Variants in PRSS23 observed in about 807,000 individuals in gnomAD.
The protein encoded by PRSS23 is serine protease 23.
In PRSS23, 25 loss-of-function variants were observed where a neutral mutation model predicts 34.7. That is an observed-to-expected ratio of 0.72 (90% CI 0.53 to 1.01). PRSS23 has a LOEUF of 1.01. Ranked by LOEUF, PRSS23 falls within the 50% of genes least tolerant of loss-of-function variation. The pLI, the probability that PRSS23 is intolerant of heterozygous loss-of-function variation, is 0.00. For synonymous variants in PRSS23, 176 were observed against 186.6 expected (o/e 0.94, Z 0.46); for missense variants, 445 against 475.6 (o/e 0.94, Z 0.60).
At chr11:86,874,874 G>A (rs934119654) in intron 2 of PRSS23, among the ~76,000 whole-genome samples, 9 of 152,178 alleles carry the variant, frequency 5.9e-5, no homozygotes, top group African/African-American at 2.2e-4. Context: ...TCACTGGTAT[G>A]TCTGGTGCCT....
intron 2 of PRSS23, chr11:86,936,392 C>G (rs1465590177): frequency 6.6e-6 from 1 of 152,304 alleles, no homozygotes; most frequent in Non-Finnish European, 1.5e-5. Flanking sequence ...CTCAGCCTCC[C>G]GAGTAGCTGG....
chr11:86,850,754 G>C (rs570063940), intron 2 of PRSS23, among the ~76,000 whole-genome samples: 1 of 152,028 alleles, frequency 6.6e-6, no homozygotes, highest in South Asian at 2.1e-4. Flanking sequence ...GCTTTGTAAC[G>C]TCCTGTAAGA....
chr11:86,830,432 C>G lies in PRSS23; in HGVS notation c.206+6839C>G, dbSNP rs573355312. Among the ~76,000 whole-genome samples, 3 of 152,302 alleles carry G rather than the reference C, an allele frequency of 2.0e-5. No individual in the cohort carries two copies. In the South Asian group the frequency reaches 6.2e-4, roughly 32 times the overall value. On this transcript the variant is annotated intron_variant, in intron 2 of 2. Transcript: ENST00000533902. ...GACTAGAAAAGGGAACTCCCTGACC[C>G]TTTGCGCTTCCCAAGTGAGGCAGTG...
At chr11:86,838,387 G>C (rs867910942) in intron 2 of PRSS23, among the ~76,000 whole-genome samples, 2 of 152,150 alleles carry the variant, frequency 1.3e-5, no homozygotes, top group Non-Finnish European at 2.9e-5. Context: ...AGATCAACCT[G>C]TGGGGCTGCA....
At chr11:86,853,242 CTTTTTTTTTT>C (rs561682096) in intron 2 of PRSS23, among the ~76,000 whole-genome samples, 11 of 47,788 alleles carry the variant, frequency 2.3e-4, no homozygotes, top group African/African-American at 6.2e-4. Context: ...AAGTGCCTGC[CTTTTTTTTTT>C]TTTTTTTTTT....
intron 2 of PRSS23, among the ~76,000 whole-genome samples, chr11:86,824,660 T>C (rs977818333): frequency 8.9e-5 from 11 of 122,960 alleles, no homozygotes; most frequent in African/African-American, 3.1e-4. Context: ...CCCCAGAGTG[T>C]GATGTTCCCC....
rs528145327 is a variant in PRSS23, at chr11:86,929,597, T to A, written c.207-21619T>A. ...GGCGGAGGTTGCAGTGAGCCAAGAT[T>A]GTGCCTGGATGACAAAGCGAGACTC... On this transcript the variant is annotated intron_variant, in intron 2 of 2. Coordinates refer to the PRSS23 transcript ENST00000533902. 3.5e-4 allele frequency among the ~76,000 whole-genome samples: 54 copies of A among 152,304 alleles called. No individual in the cohort carries two copies. In the South Asian group the frequency reaches 9.9e-3, roughly 28 times the overall value.
At chr11:86,830,410 T>G (rs1365201900) in intron 2 of PRSS23, among the ~76,000 whole-genome samples, 1 of 152,116 alleles carries the variant, frequency 6.6e-6, no homozygotes, top group Non-Finnish European at 1.5e-5. Flanking sequence ...TTTCTTTGAC[T>G]AGAAAAGGGA....
intron 2 of PRSS23, among the ~76,000 whole-genome samples, chr11:86,827,052 A>G (rs1948307611): frequency 6.6e-6 from 1 of 152,136 alleles, no homozygotes; most frequent in Non-Finnish European, 1.5e-5. Flanking sequence ...TGATTGGAAT[A>G]GTTTCAGAAG....
intron 2 of PRSS23, among the ~76,000 whole-genome samples, chr11:86,869,317 TGAA>T (rs1948669916): frequency 6.6e-6 from 1 of 152,204 alleles, no homozygotes; most frequent in African/African-American, 2.4e-5. Flanking sequence ...CCATGATACA[TGAA>T]GTTCACAGAA....
At chr11:86,821,783 C>T (rs1451720986) in intron 1 of PRSS23, 4 of 959,804 alleles carry the variant, frequency 4.2e-6, no homozygotes, top group African/African-American at 1.6e-5. Flanking sequence ...CAGCCCGTTC[C>T]GCCTCAGCAC....
At chr11:86,797,323 A>G (rs1590864480), upstream of PRSS23, among the ~76,000 whole-genome samples, 1 of 152,206 alleles carries the variant, frequency 6.6e-6, no homozygotes, top group East Asian at 1.9e-4. Flanking sequence ...TACATTGGTC[A>G]TTTGTCTCAG....
intron 2 of PRSS23, among the ~76,000 whole-genome samples, chr11:86,884,678 A>G (rs985750037): frequency 2.6e-5 from 4 of 152,240 alleles, no homozygotes; most frequent in African/African-American, 9.6e-5. Context: ...ATTGCTTTGC[A>G]TAACACATAA....
Position 86,873,224 on chromosome 11 carries a change from G to GTA in PRSS23, c.206+49642_206+49643dup, listed in dbSNP as rs758700473. On this transcript the variant is annotated intron_variant, in intron 2 of 2. Transcript: ENST00000533902. Reference sequence around the variant, plus strand: ...CACACACACACACACACAGATATATGTATATATATATACACACACACACAT... The same window carrying GTA: ...CACACACACACACACACAGATATATGTATATATATATATACACACACACACAT... Among the ~76,000 whole-genome samples the GTA allele has an allele frequency of 3.5e-4, 28 of 80,438 alleles. 1 individual carries two copies. The highest frequency in any genetic ancestry group is 2.2e-3 in the South Asian group (5 of 2,250). The allele number at this position is 80,438 out of a possible 152,430, so 52.8% of individuals were successfully genotyped here. A position where few individuals can be genotyped will look rare whatever the true frequency, so the allele number is the denominator to read the frequency against.
chr11:86,833,171 A>G, intron 2 of PRSS23: 2 of 935,992 alleles, frequency 2.1e-6, no homozygotes, highest in Non-Finnish European at 3.5e-6. Context: ...TGAGTCAGGC[A>G]GCCTGCATAG....
chr11:86,833,826 G>A (rs1948380528), intron 2 of PRSS23, among the ~76,000 whole-genome samples: 1 of 152,110 alleles, frequency 6.6e-6, no homozygotes, highest in South Asian at 2.1e-4. Context: ...CTCTCAACAG[G>A]AAAACCCAAG....
chr11:86,914,057 A>AAAC (rs1555081481), intron 2 of PRSS23, among the ~76,000 whole-genome samples: 4 of 151,132 alleles, frequency 2.6e-5, no homozygotes, highest in Non-Finnish European at 5.9e-5. Flanking sequence ...AAAAAAAAAA[A>AAAC]AAAACCTCAA....
intron 2 of PRSS23, among the ~76,000 whole-genome samples, chr11:86,871,446 C>A (rs1438521293): frequency 6.6e-6 from 1 of 152,094 alleles, no homozygotes; most frequent in Non-Finnish European, 1.5e-5. Context: ...TTTTCAAAGA[C>A]CCAATGGGTT....
chr11:86,890,007 G>A (rs934728112), intron 2 of PRSS23, among the ~76,000 whole-genome samples: 18 of 152,092 alleles, frequency 1.2e-4, no homozygotes, highest in African/African-American at 3.4e-4. Context: ...GGTGGCTCAC[G>A]CCTGAGTCCC....
Sources: gnomAD v4.1 joint callset for allele counts (sites outside exome capture counted in the v4.1 genomes callset) on GRCh38, gnomAD v4.1.1 for gene constraint, MANE v1.5 for transcripts, NCBI Gene and HGNC (gene_info 2026-07-23, HGNC 2026-07-21) for gene names.